The following KCNQ1 variants were observed in gnomAD, a reference collection of about 807,000 sequenced individuals.
KCNQ1 encodes potassium voltage-gated channel subfamily Q member 1, also known as potassium voltage-gated channel subfamily KQT member 1.
A neutral mutation model predicts 72.4 loss-of-function variants in KCNQ1; 49 were observed. The ratio of observed to expected loss-of-function variants is 0.68; its 90% CI spans 0.54 to 0.86. The LOEUF (loss-of-function observed/expected upper bound fraction) is 0.86. KCNQ1 is among the 40% of genes least tolerant of loss of function. The pLI is 0.00. For synonymous variants in KCNQ1, 450 were observed against 412.6 expected (o/e 1.09, Z -1.10); for missense variants, 790 against 945.1 (o/e 0.84, Z 2.15).
chr11:2,646,537 G>A (rs1045990131), intron 10 of KCNQ1: 4 of 398,524 alleles, frequency 1.0e-5, no homozygotes, highest in Non-Finnish European at 1.8e-5. Flanking sequence ...GGGGAGGCAG[G>A]GGAGTGCAGA....
rs928496010 is a variant in KCNQ1, at chr11:2,815,646, G to A, written c.1795-32121G>A. Reference sequence around the variant, plus strand: ...GAGTTGCAGGGGGGCAGGCACCATCGCCCCCAGCCCCAGGCTGACCCCAGT... The same window carrying A: ...GAGTTGCAGGGGGGCAGGCACCATCACCCCCAGCCCCAGGCTGACCCCAGT... On this transcript the variant is annotated intron_variant, in intron 15 of 15. Coordinates refer to ENST00000155840, the MANE Select transcript of KCNQ1 (RefSeq NM_000218.3). This position sits in a 1 kb window ranked among gnomAD's most constrained non-coding sequence, Gnocchi z 5.4. Among the ~76,000 whole-genome samples, 6 of 152,054 alleles carry A rather than the reference G, an allele frequency of 3.9e-5. No individual in the cohort carries two copies. In the East Asian group the frequency reaches 9.7e-4, roughly 25 times the overall value.
intron 1 of KCNQ1, among the ~76,000 whole-genome samples, chr11:2,499,547 A>G (rs1424976498): frequency 1.3e-5 from 2 of 148,322 alleles, no homozygotes; most frequent in Non-Finnish European, 3.0e-5. Flanking sequence ...AAAAGACCCA[A>G]TTATCTGTTG....
At chr11:2,514,716 C>T (rs1847261273) in intron 1 of KCNQ1, among the ~76,000 whole-genome samples, 1 of 152,214 alleles carries the variant, frequency 6.6e-6, no homozygotes, top group Non-Finnish European at 1.5e-5. Context: ...GTCCCAGCTA[C>T]TCGGGAGGCT....
At position 2,673,571 on chromosome 11, in the gene KCNQ1, G is replaced by A; in HGVS notation, c.1514+11490G>A. 2.5e-6 allele frequency: 1 copy of A among 398,750 alleles called. No individual in the cohort carries two copies. Among genetic ancestry groups the A allele is most frequent in the Non-Finnish European group, 4.4e-6 (1 of 226,146 alleles). The allele number at this position is 398,750 out of a possible 1,614,324, so 24.7% of individuals were successfully genotyped here. On this transcript the variant is annotated intron_variant, in intron 11 of 15. Transcript: ENST00000155840. The surrounding 1 kb of genome is among the most constrained non-coding windows in gnomAD (Gnocchi z 4.5). ...CCCCTCCCTGGCCATGCAGGTGGAA[G>A]ACCCTATTACTTGGGCTAAAGAGAA...
At position 2,588,483 on chromosome 11, in the gene KCNQ1, A is replaced by C. The variant is rs1848625544; in HGVS notation, c.1252-230A>C. On this transcript the variant is annotated intron_variant, in intron 9 of 15. Transcript: ENST00000155840. This position sits in a 1 kb window ranked among gnomAD's most constrained non-coding sequence, Gnocchi z 5.6. ...TCTGCTTCCTGCTGTCCTGTTAGCG[A>C]GGCCGTGAGCTCACAGGGCAGCACC... Among the ~76,000 whole-genome samples the C allele has an allele frequency of 6.6e-6, 1 of 152,046 alleles. No homozygotes were observed. Among genetic ancestry groups the C allele is most frequent in the Admixed American group, 6.6e-5 (1 of 15,262 alleles).
chr11:2,792,938 C>G (rs1014844402), intron 15 of KCNQ1, among the ~76,000 whole-genome samples: 11 of 151,722 alleles, frequency 7.3e-5, no homozygotes, highest in African/African-American at 2.7e-4. Context: ...TGCACAGCAC[C>G]CCCTCTCTTC....
chr11:2,838,994 T>C (rs1422295968), intron 15 of KCNQ1, among the ~76,000 whole-genome samples: 1 of 146,286 alleles, frequency 6.8e-6, no homozygotes, highest in African/African-American at 2.6e-5. Context: ...GGACGAGCCC[T>C]GCCCGGGGTT....
At chr11:2,778,485 C>T (rs1846754891) in intron 15 of KCNQ1, among the ~76,000 whole-genome samples, 1 of 152,212 alleles carries the variant, frequency 6.6e-6, no homozygotes, top group Non-Finnish European at 1.5e-5. Flanking sequence ...GTGCAGGGCC[C>T]AGCTGGGATG....
chr11:2,673,103 G>C lies in KCNQ1; in HGVS notation c.1514+11022G>C. On this transcript the variant is annotated intron_variant, in intron 11 of 15. Transcript: ENST00000155840. The surrounding 1 kb of genome is among the most constrained non-coding windows in gnomAD (Gnocchi z 4.5). Reference sequence around the variant, plus strand: ...CAGTAGGCCTTCACGGTACTCAGCAGGAGACCCCAGCAGGCAGCATCAGGG... The same window carrying C: ...CAGTAGGCCTTCACGGTACTCAGCACGAGACCCCAGCAGGCAGCATCAGGG... 1 of 398,948 alleles carries C rather than the reference G, an allele frequency of 2.5e-6. No homozygotes were observed. The highest frequency in any genetic ancestry group is 4.4e-6 in the Non-Finnish European group (1 of 226,296). 24.7% of individuals were successfully genotyped at this position (398,948 alleles called of 1,614,324 possible). A position where few individuals can be genotyped will look rare whatever the true frequency, so the allele number is the denominator to read the frequency against.
Position 2,784,246 on chromosome 11 carries a change from A to G in KCNQ1, c.1794+6209A>G, listed in dbSNP as rs1178316939. ...ACTTATGGATATCCAATTGCCCCAG[A>G]ACATTTGTTGAAAATACCCCATTTC... On this transcript the variant is annotated intron_variant, in intron 15 of 15. Transcript: ENST00000155840. The surrounding 1 kb of genome is among the most constrained non-coding windows in gnomAD (Gnocchi z 4.7). 6.6e-6 allele frequency among the ~76,000 whole-genome samples: 1 copy of G among 151,938 alleles called. No homozygotes were observed. The highest frequency in any genetic ancestry group is 1.5e-5 in the Non-Finnish European group (1 of 67,826).
rs1285985345 is a variant in KCNQ1, at chr11:2,689,290, T to C, written c.1514+27209T>C. On this transcript the variant is annotated intron_variant, in intron 11 of 15. Transcript: ENST00000155840. ...CAGCCTTTGCACAGATATCTCCCACTCCAACCCTAAGACTCAATGCCACCT... is the reference window on the plus strand; with the variant it reads ...CAGCCTTTGCACAGATATCTCCCACCCCAACCCTAAGACTCAATGCCACCT... 7 of 398,638 alleles carry C rather than the reference T, an allele frequency of 1.8e-5. No homozygotes were observed. In the East Asian group the frequency reaches 2.5e-4, roughly 14 times the overall value. The allele number at this position is 398,638 out of a possible 1,614,324, so 24.7% of individuals were successfully genotyped here. A position where few individuals can be genotyped will look rare whatever the true frequency, so the allele number is the denominator to read the frequency against.
intron 11 of KCNQ1, chr11:2,684,689 T>C (rs1034308296): frequency 2.5e-6 from 1 of 398,624 alleles, no homozygotes; most frequent in East Asian, 3.6e-5. Flanking sequence ...AGTGGCCAAC[T>C]GAGCACTTGC....
Position 2,658,387 on chromosome 11 carries a change from C to T in KCNQ1, c.1394-3574C>T. ...GAGTATTTATTTTTTGAGTTATAGT[C>T]CAATATTATTTATTTTGTTGCTCAA... On this transcript the variant is annotated intron_variant, in intron 10 of 15. Transcript: ENST00000155840. The surrounding 1 kb of genome is among the most constrained non-coding windows in gnomAD (Gnocchi z 4.9). 1 of 398,430 alleles carries T rather than the reference C, an allele frequency of 2.5e-6. No individual in the cohort carries two copies. The highest frequency in any genetic ancestry group is 4.4e-6 in the Non-Finnish European group (1 of 226,004). The allele number at this position is 398,430 out of a possible 1,614,324, so 24.7% of individuals were successfully genotyped here.
chr11:2,793,644 A>T (rs1847076676), intron 15 of KCNQ1, among the ~76,000 whole-genome samples: 1 of 149,908 alleles, frequency 6.7e-6, no homozygotes, highest in African/African-American at 2.4e-5. Flanking sequence ...AGTAAGAAGT[A>T]TTTTTTTTTT....
At position 2,657,130 on chromosome 11, in the gene KCNQ1, G is replaced by A. The variant is rs1319403004; in HGVS notation, c.1394-4831G>A. ...CATTGCCCTAATGACCACTGCCTTG[G>A]AAGAAGTACTGATGTTTGGTACAGC... On this transcript the variant is annotated intron_variant, in intron 10 of 15. Coordinates refer to ENST00000155840, the MANE Select transcript of KCNQ1 (RefSeq NM_000218.3). This position sits in a 1 kb window ranked among gnomAD's most constrained non-coding sequence, Gnocchi z 4.8. 7 of 398,502 alleles carry A rather than the reference G, an allele frequency of 1.8e-5. No homozygotes were observed. Among genetic ancestry groups the A allele is most frequent in the Non-Finnish European group, 3.1e-5 (7 of 226,076 alleles). The allele number at this position is 398,502 out of a possible 1,614,324, so 24.7% of individuals were successfully genotyped here.
At position 2,484,786 on chromosome 11, in the gene KCNQ1, C is replaced by T. The variant is rs547369338; in HGVS notation, c.386+39302C>T. On this transcript the variant is annotated intron_variant, in intron 1 of 15. Coordinates refer to ENST00000155840, the MANE Select transcript of KCNQ1 (RefSeq NM_000218.3). This position sits in a 1 kb window ranked among gnomAD's most constrained non-coding sequence, Gnocchi z 5.2. Reference sequence around the variant, plus strand: ...CTGGGGAATATGTGTATGGCACCCCCACGTCTACGCTTCTGTGTTCATCTG... The same window carrying T: ...CTGGGGAATATGTGTATGGCACCCCTACGTCTACGCTTCTGTGTTCATCTG... Among the ~76,000 whole-genome samples, 86 of 152,328 alleles carry T rather than the reference C, an allele frequency of 5.6e-4. 1 individual carries two copies. Among genetic ancestry groups the T allele is most frequent in the African/African-American group, 1.9e-3 (77 of 41,578 alleles).
rs1414405773 is a variant in KCNQ1 at position 2,462,535 on chromosome 11, C to A, written c.386+17051C>A. Among the ~76,000 whole-genome samples, 1 of 152,204 alleles carries A rather than the reference C, an allele frequency of 6.6e-6. No individual in the cohort carries two copies. The highest frequency in any genetic ancestry group is 6.5e-5 in the Admixed American group (1 of 15,284). On this transcript the variant is annotated intron_variant, in intron 1 of 15. Coordinates refer to ENST00000155840, the MANE Select transcript of KCNQ1 (RefSeq NM_000218.3). This position sits in a 1 kb window ranked among gnomAD's most constrained non-coding sequence, Gnocchi z 8.2. The stretch of plus-strand genomic sequence containing the variant: ...CAGCTGTCATGATCCCACCATGTGC[C>A]CCCCGTGAGGCCCCCACCTGTTACT...
chr11:2,453,116 G>A (rs981789849), intron 1 of KCNQ1, among the ~76,000 whole-genome samples: 7 of 152,256 alleles, frequency 4.6e-5, no homozygotes, highest in African/African-American at 1.7e-4. Flanking sequence ...GCTCACGCCT[G>A]TAATCCCAGC....
Position 2,529,671 on chromosome 11 carries a change from T to C in KCNQ1, c.477+1653T>C, listed in dbSNP as rs536662861. Among the ~76,000 whole-genome samples, 5 of 152,336 alleles carry C rather than the reference T, an allele frequency of 3.3e-5. No individual in the cohort carries two copies. In the South Asian group the frequency reaches 1.0e-3, roughly 32 times the overall value. On this transcript the variant is annotated intron_variant, in intron 2 of 15. Transcript: ENST00000155840. ...CTGCTACAGCCTGTGGTCCTGCTAC[T>C]TCTCGTGACTGTGGTCGTAGAAGTT...
Sources: allele counts gnomAD v4.1 joint callset (sites outside exome capture counted in the v4.1 genomes callset), GRCh38; gene constraint gnomAD v4.1.1; non-coding constraint Gnocchi (gnomAD v3.1); transcripts MANE v1.5; gene names NCBI Gene and HGNC (gene_info 2026-07-23, HGNC 2026-07-21).